The following CAMKK2 variants were observed in gnomAD, a reference collection of about 807,000 sequenced individuals.
CAMKK2 encodes calcium/calmodulin-dependent protein kinase kinase 2.
CAMKK2 carries 30 observed loss-of-function variants against 67.2 expected under a neutral mutation model. That is an observed-to-expected ratio of 0.45 (90% CI 0.33 to 0.61). The LOEUF (loss-of-function observed/expected upper bound fraction) is 0.61. Among genes scored for constraint, CAMKK2 ranks in the 20% least tolerant of loss-of-function variants. The pLI is 0.02. For missense variants in CAMKK2, 643 were observed against 802.0 expected (o/e 0.80, Z 2.39); for synonymous variants, 322 against 326.2 (o/e 0.99, Z 0.14).
chr12:121,274,430 G>C lies in CAMKK2; in HGVS notation c.97C>G (p.Pro33Ala), dbSNP rs1447927152. 1 of 1,613,108 alleles carries C rather than the reference G, an allele frequency of 6.2e-7. No homozygotes were observed. The highest frequency in any genetic ancestry group is 8.5e-7 in the Non-Finnish European group (1 of 1,179,984). ...RGSSSSESQKPCEALRGLSSL... is the reference protein window; with the variant it reads ...RGSSSSESQKACEALRGLSSL... ...GAGAGGCCCCGCAGGGCCTCACAGG[G>C]CTTCTGGCTTTCGCTGCTGCTGCTG... The change falls in exon 2 of 17, where the codon CCC (proline) becomes GCC (alanine). Residue 33 changes from proline to alanine, a missense_variant. This residue lies in a region of CAMKK2 where 483 missense variants were observed against 625.8 expected (regional missense o/e 0.77). Transcript: ENST00000404169.
At chr12:121,251,677 A>C (rs1890740083) in intron 11 of CAMKK2, among the ~76,000 whole-genome samples, 1 of 151,938 alleles carries the variant, frequency 6.6e-6, no homozygotes, top group Non-Finnish European at 1.5e-5. Context: ...AAATACAAAA[A>C]TTAGCCGGGT....
chr12:121,264,957 C>G (rs1168193315), intron 5 of CAMKK2, among the ~76,000 whole-genome samples: 1 of 148,364 alleles, frequency 6.7e-6, no homozygotes, highest in African/African-American at 2.5e-5. Context: ...GGTGACAGAG[C>G]GAGACCCTAT....
In CAMKK2 at chr12:121,255,304, T is replaced by TATATATAATTATATATATAATTA. The variant is rs1891870229; in HGVS notation, c.907+245_907+246insTAATTATATATATAATTATATAT. On this transcript the variant is annotated intron_variant, in intron 9 of 16. Transcript: ENST00000404169. ...TATATATATAATTATATATATAATT[T>TATATATAATTATATATATAATTA]TATATATAATTTTATATATATATAA... Among the ~76,000 whole-genome samples, 19 of 6,012 alleles carry TATATATAATTATATATATAATTA rather than the reference T, an allele frequency of 3.2e-3. 1 individual carries two copies. The highest frequency in any genetic ancestry group is 4.7e-3 in the Non-Finnish European group (17 of 3,600). 3.9% of individuals were successfully genotyped at this position (6,012 alleles called of 152,430 possible).
intron 1 of CAMKK2, among the ~76,000 whole-genome samples, chr12:121,294,870 GTTA>G (rs1900814352): frequency 6.6e-6 from 1 of 152,092 alleles, no homozygotes; most frequent in South Asian, 2.1e-4. Context: ...TTTTAATACT[GTTA>G]TTATTATTAT....
rs970100102 is a variant in CAMKK2, at chr12:121,240,948, G to C, written c.1597-79C>G. On this transcript the variant is annotated intron_variant, in intron 16 of 16. Transcript: ENST00000404169. The surrounding 1 kb of genome is among the most constrained non-coding windows in gnomAD (Gnocchi z 4.4). The stretch of plus-strand genomic sequence containing the variant: ...CCTGAGCCAGCTGCTCCCACATCTG[G>C]GCCCCCTGCCCAAGTGGGCCGTCGC... 1.2e-5 allele frequency: 18 copies of C among 1,492,358 alleles called. No individual in the cohort carries two copies. In the Admixed American group the frequency reaches 2.8e-4, roughly 23 times the overall value. The allele number at this position is 1,492,358 out of a possible 1,614,324, so 92.4% of individuals were successfully genotyped here. A position where few individuals can be genotyped will look rare whatever the true frequency, so the allele number is the denominator to read the frequency against.
intron 6 of CAMKK2, among the ~76,000 whole-genome samples, chr12:121,263,089 C>A (rs1192722519): frequency 6.6e-6 from 1 of 152,084 alleles, no homozygotes; most frequent in African/African-American, 2.4e-5. Flanking sequence ...CTGCCTCAGC[C>A]TCCTGAAGTG....
intron 16 of CAMKK2, among the ~76,000 whole-genome samples, chr12:121,243,335 A>G (rs1653591): frequency 0.79 from 118,696 of 151,118 alleles, 46,681 homozygotes; most frequent in Non-Finnish European, 0.8. Context: ...CCAGCCTGCT[A>G]GTCAATCCAT....
At chr12:121,268,615 C>T (rs113324879) in intron 5 of CAMKK2, 23 bp downstream of exon 5, 2 of 1,613,250 alleles carry the variant, frequency 1.2e-6, no homozygotes, top group African/African-American at 2.7e-5. Context: ...CTGTACCTAA[C>T]AACAAAGGCC....
chr12:121,258,316 A>T (rs1479808341), intron 7 of CAMKK2, among the ~76,000 whole-genome samples: 1 of 151,830 alleles, frequency 6.6e-6, no homozygotes, highest in Non-Finnish European at 1.5e-5. Flanking sequence ...GAGCCACCAC[A>T]CCCAGCCCCC....
At chr12:121,296,807 C>G (rs1221879402), upstream of CAMKK2, 2 of 147,056 alleles carry the variant, frequency 1.4e-5, no homozygotes, top group Non-Finnish European at 3.0e-5. This position sits in a 1 kb window ranked among gnomAD's most constrained non-coding sequence, Gnocchi z 7.1. Flanking sequence ...GTCGCCGCCC[C>G]GGGCAGCGCG....
Position 121,269,523 on chromosome 12 carries a change from C to A in CAMKK2, c.573+5G>T. ...GGGGGCAGGGAGGAGAATGCGGATA[C>A]TCACATAGTAGGTATTGTCATTTTC... On this transcript the variant is annotated splice_donor_5th_base_variant and intron_variant, in intron 4 of 16. Transcript: ENST00000404169. 3 of 1,600,048 alleles carry A rather than the reference C, an allele frequency of 1.9e-6. No individual in the cohort carries two copies. The highest frequency in any genetic ancestry group is 2.6e-6 in the Non-Finnish European group (3 of 1,170,930).
chr12:121,260,927 T>C (rs1893319188), intron 6 of CAMKK2, among the ~76,000 whole-genome samples: 1 of 146,638 alleles, frequency 6.8e-6, no homozygotes, highest in African/African-American at 2.6e-5. Flanking sequence ...CACTTCAGCC[T>C]GGATGACAGA....
intron 16 of CAMKK2, among the ~76,000 whole-genome samples, chr12:121,241,189 AC>A (rs886262478): frequency 3.6e-4 from 55 of 151,852 alleles, no homozygotes; most frequent in Non-Finnish European, 6.0e-4. Context: ...GGCACCCCCC[AC>A]CCCACGGCGC....
At chr12:121,279,320 G>A (rs1316244266) in intron 1 of CAMKK2, among the ~76,000 whole-genome samples, 1 of 152,222 alleles carries the variant, frequency 6.6e-6, no homozygotes, top group African/African-American at 2.4e-5. Context: ...GAGCCCCAGG[G>A]ACGCAGGCCC....
intron 1 of CAMKK2, among the ~76,000 whole-genome samples, chr12:121,290,719 A>G (rs1228145674): frequency 6.6e-6 from 1 of 152,182 alleles, no homozygotes; most frequent in Non-Finnish European, 1.5e-5. Context: ...CGTAACTGAA[A>G]AGAATGGAAC....
chr12:121,282,745 CT>C (rs1401126161), intron 1 of CAMKK2, among the ~76,000 whole-genome samples: 1 of 146,766 alleles, frequency 6.8e-6, no homozygotes, highest in Non-Finnish European at 1.5e-5. Context: ...TATCTCTGTT[CT>C]TTTTTTTCTT....
chr12:121,245,220 T>A lies in CAMKK2; in HGVS notation c.1473A>T (p.Ile491=). 2.5e-6 allele frequency: 4 copies of A among 1,606,150 alleles called. No individual in the cohort carries two copies. The highest frequency in any genetic ancestry group is 3.4e-6 in the Non-Finnish European group (4 of 1,175,716). Residue 491 remains isoleucine (I), a synonymous_variant, in exon 15 of 17, where the codon ATA becomes ATT. Coordinates refer to ENST00000404169, the MANE Select transcript of CAMKK2 (RefSeq NM_001270485.2). This position sits in a 1 kb window ranked among gnomAD's most constrained non-coding sequence, Gnocchi z 5.8. The part of the protein sequence containing the change: ...LATVILVKTM[I]RKRSFGNPFE... ...ATGGGTTCCCAAAGGAGCGTTTACG[T>A]ATCATGGTCTTCACCAGGATCTGAA...
rs138279467 is a variant in CAMKK2, at chr12:121,252,033, C to T, written c.1161+628G>A. 5.1e-4 allele frequency among the ~76,000 whole-genome samples: 78 copies of T among 152,236 alleles called. 1 individual carries two copies. Among genetic ancestry groups the T allele is most frequent in the East Asian group, 1.9e-3 (10 of 5,184 alleles). On this transcript the variant is annotated intron_variant, in intron 11 of 16. Coordinates refer to ENST00000404169, the MANE Select transcript of CAMKK2 (RefSeq NM_001270485.2). ...AGAGCAGTATCAGGCTCAGGAGGAA[C>T]GAGCACAGTTATTGATTAGTGATGT...
chr12:121,244,589 G>T lies in CAMKK2; in HGVS notation c.1580C>A (p.Ser527Tyr). ...GGGCGTTACCTTGAGCTCAGACAGG[G>T]ACTCACATTCCCTGGTTGGTTTTTT... is the stretch of plus-strand genomic sequence containing the variant. The part of the protein sequence containing the change: ...LTKKPTRECE[S>Y]LSELKEARQR... The change falls in exon 16 of 17, where the codon TCC becomes TAC. Residue 527 changes from serine (S) to tyrosine (Y), a missense_variant. Transcript: ENST00000404169. 1 of 1,564,442 alleles carries T rather than the reference G, an allele frequency of 6.4e-7. No individual in the cohort carries two copies. Among genetic ancestry groups the T allele is most frequent in the Non-Finnish European group, 8.7e-7 (1 of 1,154,126 alleles).
Sources: gnomAD v4.1 joint callset for allele counts (sites outside exome capture counted in the v4.1 genomes callset) on GRCh38, gnomAD v4.1.1 for gene constraint, gnomAD v4.1.1 regional missense constraint, Gnocchi (gnomAD v3.1) non-coding constraint, MANE v1.5 for transcripts, NCBI Gene and HGNC (gene_info 2026-07-23, HGNC 2026-07-21) for gene names.